RXFP1: variants seen among roughly 807,000 people sequenced by gnomAD.
RXFP1 encodes the protein relaxin family peptide receptor 1, also known as relaxin receptor 1.
Under a neutral mutation model 89.8 loss-of-function variants are expected in RXFP1, and 73 were observed. The ratio of observed to expected loss-of-function variants is 0.81; its 90% CI spans 0.67 to 0.99. The LOEUF (loss-of-function observed/expected upper bound fraction) is 0.99. RXFP1 is among the 50% of genes least tolerant of loss of function. RXFP1 has a pLI of 0.00. For missense variants in RXFP1, 793 were observed against 895.5 expected (o/e 0.89, Z 1.46); for synonymous variants, 277 against 305.5 (o/e 0.91, Z 0.97).
At chr4:158,643,468 G>GTT (rs59869659) in intron 14 of RXFP1, among the ~76,000 whole-genome samples, 75,574 of 112,774 alleles carry the variant, frequency 0.67, 30,690 homozygotes, top group East Asian at 0.95. Context: ...TCATATGCTA[G>GTT]TTTTTTTTTT....
Position 158,626,872 on chromosome 4 carries a change from T to A in RXFP1, c.808T>A (p.Cys270Ser), listed in dbSNP as rs1249326324. Residue 270 changes from cysteine to serine, a missense_variant, in exon 10 of 18, where the codon TGC becomes AGC. Transcript: ENST00000307765. ...HNLRNLTFIS[C>S]SNLTVLVMRK... ...TTTAAGAAATTTGACTTTTATTTCC[T>A]GCAGTAATTTAACTGTTTTGTAAGT... The A allele has an allele frequency of 6.5e-7, 1 of 1,528,854 alleles. No individual in the cohort carries two copies. The highest frequency in any genetic ancestry group is 8.9e-7 in the Non-Finnish European group (1 of 1,119,662). The allele number at this position is 1,528,854 out of a possible 1,614,324, so 94.7% of individuals were successfully genotyped here.
chr4:158,626,612 A>G (rs1479923024), intron 9 of RXFP1, among the ~76,000 whole-genome samples: 1 of 152,052 alleles, frequency 6.6e-6, no homozygotes, highest in Non-Finnish European at 1.5e-5. Flanking sequence ...GACGCAAAAC[A>G]TTTTTACCTT....
intron 9 of RXFP1, among the ~76,000 whole-genome samples, chr4:158,620,600 A>G (rs11932894): frequency 0.31 from 47,137 of 151,946 alleles, 13,495 homozygotes; most frequent in African/African-American, 0.76. Context: ...GACAAGAAAA[A>G]CAACTTTTTT....
intron 12 of RXFP1, among the ~76,000 whole-genome samples, chr4:158,634,497 T>A (rs1032854953): frequency 1.8e-4 from 27 of 152,196 alleles, no homozygotes; most frequent in Non-Finnish European, 3.7e-4. Flanking sequence ...TATTATGGTG[T>A]CCTTTGATGC....
chr4:158,574,646 C>A (rs1755840437), intron 2 of RXFP1, among the ~76,000 whole-genome samples: 1 of 152,196 alleles, frequency 6.6e-6, no homozygotes, highest in East Asian at 1.9e-4. Flanking sequence ...ATAATACATG[C>A]CTCTGAGCTT....
At chr4:158,631,329 A>T (rs1767981900) in intron 11 of RXFP1, among the ~76,000 whole-genome samples, 1 of 152,240 alleles carries the variant, frequency 6.6e-6, no homozygotes, top group African/African-American at 2.4e-5. Flanking sequence ...CCCCACTTTT[A>T]CTAAAGATGA....
At chr4:158,551,492 A>G (rs1189392711) in intron 1 of RXFP1, among the ~76,000 whole-genome samples, 2 of 152,048 alleles carry the variant, frequency 1.3e-5, no homozygotes, top group Non-Finnish European at 2.9e-5. Context: ...AAGAGAGTAG[A>G]TTTTAAATGT....
chr4:158,576,755 GA>G (rs369206382), intron 2 of RXFP1, among the ~76,000 whole-genome samples: 12 of 149,946 alleles, frequency 8.0e-5, no homozygotes, highest in South Asian at 2.1e-4. Flanking sequence ...TCTAGAAATA[GA>G]AAAAAAAAAT....
intron 6 of RXFP1, among the ~76,000 whole-genome samples, chr4:158,608,707 TCACCATC>T: frequency 6.6e-6 from 1 of 152,294 alleles, no homozygotes; most frequent in East Asian, 1.9e-4. Context: ...GGAACCATCA[TCACCATC>T]CACCTCCAAA....
At chr4:158,604,953 C>A in intron 4 of RXFP1, 115 bp from the exon 5 acceptor site, 1 of 535,118 alleles carries the variant, frequency 1.9e-6, no homozygotes, top group Non-Finnish European at 3.4e-6. Flanking sequence ...CATTATGAAG[C>A]AAAATGTTTC....
intron 8 of RXFP1, among the ~76,000 whole-genome samples, chr4:158,612,671 C>T (rs192287402): frequency 3.1e-4 from 46 of 149,662 alleles, no homozygotes; most frequent in Admixed American, 4.0e-4. Flanking sequence ...AGTGCAGTGG[C>T]GTGACCTTGG....
At chr4:158,595,322 A>G (rs1561088676) in intron 3 of RXFP1, among the ~76,000 whole-genome samples, 1 of 152,224 alleles carries the variant, frequency 6.6e-6, no homozygotes, top group African/African-American at 2.4e-5. Flanking sequence ...AATGGTGGAG[A>G]GGTGACTAAG....
intron 2 of RXFP1, among the ~76,000 whole-genome samples, chr4:158,592,100 C>T (rs7682928): frequency 4.5e-4 from 68 of 151,992 alleles, no homozygotes; most frequent in African/African-American, 1.6e-3. Context: ...TTCCTTTTAT[C>T]CCACAAATAA....
chr4:158,638,199 C>G (rs1769593083), intron 13 of RXFP1, 120 bp downstream of exon 13: 1 of 586,342 alleles, frequency 1.7e-6, no homozygotes, highest in Non-Finnish European at 3.0e-6. Flanking sequence ...TAGTTTAGCT[C>G]CACAAAAACA....
chr4:158,580,832 C>G (rs1408553339), intron 2 of RXFP1, among the ~76,000 whole-genome samples: 5 of 152,182 alleles, frequency 3.3e-5, no homozygotes. Context: ...GAGTCTTGCT[C>G]TATCACCCAG....
At chr4:158,525,945 G>C (rs975925308) in intron 1 of RXFP1, among the ~76,000 whole-genome samples, 4 of 152,176 alleles carry the variant, frequency 2.6e-5, no homozygotes, top group Non-Finnish European at 5.9e-5. Flanking sequence ...AATTTAAAGT[G>C]ACCTTAACAG....
chr4:158,646,412 A>G, intron 15 of RXFP1: 1 of 1,076,354 alleles, frequency 9.3e-7, no homozygotes, highest in Non-Finnish European at 1.2e-6. Flanking sequence ...GTGGAAGAGC[A>G]GAACCAAGTA....
intron 1 of RXFP1, among the ~76,000 whole-genome samples, chr4:158,547,889 A>G (rs1748928690): frequency 6.6e-6 from 1 of 152,144 alleles, no homozygotes; most frequent in Admixed American, 6.5e-5. Context: ...CAATTTTGGA[A>G]TAGCTGTGGT....
rs70962619 is a variant in RXFP1, at chr4:158,644,041, C to CTTT, written c.1116-850_1116-848dup. ...CATAGGTTGGCCATTTCTATGTCTT[C>CTTT]TTTTTTTTTTTTTTTTTTTTGGAGA... On this transcript the variant is annotated intron_variant, in intron 14 of 17. Coordinates refer to ENST00000307765, the MANE Select transcript of RXFP1 (RefSeq NM_021634.4). Among the ~76,000 whole-genome samples, 59 of 78,306 alleles carry CTTT rather than the reference C, an allele frequency of 7.5e-4. 2 individuals are homozygous for CTTT. The highest frequency in any genetic ancestry group is 2.2e-3 in the African/African-American group (52 of 23,522). The allele number at this position is 78,306 out of a possible 152,430, so 51.4% of individuals were successfully genotyped here.
Sources: gnomAD v4.1 joint callset for allele counts (sites outside exome capture counted in the v4.1 genomes callset) on GRCh38, gnomAD v4.1.1 for gene constraint, MANE v1.5 for transcripts, NCBI Gene and HGNC (gene_info 2026-07-23, HGNC 2026-07-21) for gene names.